The following ARHGAP12 variants were observed in gnomAD, a reference collection of about 807,000 sequenced individuals.
ARHGAP12 encodes rho GTPase-activating protein 12.
Under a neutral mutation model 108.6 loss-of-function variants are expected in ARHGAP12, and 64 were observed. The observed-to-expected ratio is 0.59, with a 90% CI of 0.48 to 0.73. The LOEUF (loss-of-function observed/expected upper bound fraction) is 0.73, where lower values mean the gene tolerates loss of function less well. Among genes scored for constraint, ARHGAP12 ranks in the 30% least tolerant of loss-of-function variants. The pLI, the probability that ARHGAP12 is intolerant of heterozygous loss-of-function variation, is 0.00. For missense variants in ARHGAP12, 940 were observed against 1,005.9 expected (o/e 0.93, Z 0.89); for synonymous variants, 312 against 337.2 (o/e 0.93, Z 0.82).
chr10:31,882,594 C>A (rs1187559817), intron 3 of ARHGAP12, among the ~76,000 whole-genome samples: 1 of 150,188 alleles, frequency 6.7e-6, no homozygotes, highest in Admixed American at 6.6e-5. Flanking sequence ...GCAGGCAAAT[C>A]ATGAGGTCAG....
At chr10:31,922,596 C>A (rs1172796892) in intron 1 of ARHGAP12, among the ~76,000 whole-genome samples, 1 of 151,914 alleles carries the variant, frequency 6.6e-6, no homozygotes, top group Non-Finnish European at 1.5e-5. Flanking sequence ...ATACAAATAA[C>A]CAAAGCTTGC....
At chr10:31,851,650 T>C (rs1247204167) in intron 6 of ARHGAP12, among the ~76,000 whole-genome samples, 3 of 152,208 alleles carry the variant, frequency 2.0e-5, no homozygotes, top group African/African-American at 7.2e-5. Context: ...AAAGGCCAGA[T>C]AGCATTCACA....
chr10:31,852,472 T>A (rs1564390085), intron 6 of ARHGAP12, 45 bp downstream of exon 6: 1 of 1,350,152 alleles, frequency 7.4e-7, no homozygotes, highest in Admixed American at 1.7e-5. Flanking sequence ...AGATATTACT[T>A]CATCTACTAT....
intron 1 of ARHGAP12, among the ~76,000 whole-genome samples, chr10:31,927,029 T>A (rs377098509): frequency 5.1e-4 from 77 of 152,324 alleles, no homozygotes; most frequent in African/African-American, 1.7e-3. Flanking sequence ...CGCATAAATA[T>A]ACATACACAC....
intron 3 of ARHGAP12, among the ~76,000 whole-genome samples, chr10:31,865,872 C>T (rs1205326459): frequency 3.2e-5 from 4 of 125,008 alleles, no homozygotes; most frequent in South Asian, 5.9e-4. Flanking sequence ...AGCAAGACTC[C>T]GTCTCAAAAA....
chr10:31,836,907 T>C (rs1006356285), intron 9 of ARHGAP12, among the ~76,000 whole-genome samples: 3 of 151,956 alleles, frequency 2.0e-5, no homozygotes, highest in Non-Finnish European at 4.4e-5. Context: ...CCACCTCTGG[T>C]AGAATTAACA....
intron 3 of ARHGAP12, among the ~76,000 whole-genome samples, chr10:31,878,992 A>T (rs1837838762): frequency 6.6e-6 from 1 of 152,268 alleles, no homozygotes; most frequent in African/African-American, 2.4e-5. Flanking sequence ...CAGAAAGAAC[A>T]GAAAATGAAA....
intron 3 of ARHGAP12, among the ~76,000 whole-genome samples, chr10:31,889,618 C>CG (rs1491074531): frequency 4.2e-4 from 43 of 101,526 alleles, no homozygotes; most frequent in Non-Finnish European, 7.7e-4. Flanking sequence ...TAATTTTTCT[C>CG]GTTTTTTTTT....
chr10:31,821,871 A>G (rs765550432), intron 11 of ARHGAP12, among the ~76,000 whole-genome samples: 5 of 152,214 alleles, frequency 3.3e-5, no homozygotes, highest in Non-Finnish European at 5.9e-5. Flanking sequence ...ACATAAAGCT[A>G]TATGTTGGGC....
intron 12 of ARHGAP12, 121 bp from the exon 13 acceptor site, chr10:31,818,007 CAAT>C (rs112987954): frequency 1.3e-4 from 90 of 689,152 alleles, no homozygotes; most frequent in African/African-American, 1.3e-3. Context: ...TATTATGTAA[CAAT>C]GATGCAAGGT....
chr10:31,918,563 A>G (rs1839661397), intron 1 of ARHGAP12, among the ~76,000 whole-genome samples: 1 of 152,152 alleles, frequency 6.6e-6, no homozygotes, highest in Non-Finnish European at 1.5e-5. Flanking sequence ...AAAAATAGCC[A>G]AGGATTGGTG....
At chr10:31,820,632 T>C (rs1299535376) in intron 11 of ARHGAP12, 144 bp from the exon 12 acceptor site, 1 of 436,572 alleles carries the variant, frequency 2.3e-6, no homozygotes, top group Non-Finnish European at 3.8e-6. Flanking sequence ...AAGTAACAAT[T>C]TCTACTTTAA....
chr10:31,814,411 T>C (rs201396473), intron 13 of ARHGAP12, 50 bp from the exon 14 acceptor site: 5 of 1,407,420 alleles, frequency 3.6e-6, no homozygotes, highest in South Asian at 2.4e-5. Flanking sequence ...AGTATTACTA[T>C]AGTTGGAATG....
chr10:31,868,174 G>A (rs561651992), intron 3 of ARHGAP12, among the ~76,000 whole-genome samples: 1 of 151,752 alleles, frequency 6.6e-6, no homozygotes, highest in African/African-American at 2.4e-5. Flanking sequence ...CTCCAGCCTG[G>A]GTGACAGAGC....
chr10:31,814,745 T>C (rs1200611273), intron 13 of ARHGAP12, among the ~76,000 whole-genome samples: 2 of 152,162 alleles, frequency 1.3e-5, no homozygotes, highest in East Asian at 1.9e-4. Flanking sequence ...CTTCTACACA[T>C]GGACCTGACA....
At chr10:31,916,897 G>A (rs1839579263) in intron 1 of ARHGAP12, among the ~76,000 whole-genome samples, 1 of 152,040 alleles carries the variant, frequency 6.6e-6, no homozygotes, top group Non-Finnish European at 1.5e-5. Flanking sequence ...TTACAGGTGT[G>A]AGCCACCACG....
intron 10 of ARHGAP12, 92 bp downstream of exon 10, chr10:31,831,647 G>A: frequency 1.3e-6 from 1 of 744,542 alleles, no homozygotes; most frequent in Non-Finnish European, 2.1e-6. Flanking sequence ...AGATTCTTCA[G>A]CACCTATTGT....
intron 1 of ARHGAP12, chr10:31,913,846 T>C (rs1839452576): frequency 6.5e-6 from 1 of 153,076 alleles, no homozygotes; most frequent in Non-Finnish European, 1.5e-5. Flanking sequence ...CTGTACAGTG[T>C]CTTTTTTTGT....
chr10:31,884,819 T>G (rs1213045988), intron 3 of ARHGAP12, among the ~76,000 whole-genome samples: 1 of 152,218 alleles, frequency 6.6e-6, no homozygotes, highest in Non-Finnish European at 1.5e-5. Context: ...AGCTGTAAGC[T>G]CATGACAACA....
Sources: gnomAD v4.1 joint callset for allele counts (sites outside exome capture counted in the v4.1 genomes callset) on GRCh38, gnomAD v4.1.1 for gene constraint, MANE v1.5 for transcripts, NCBI Gene and HGNC (gene_info 2026-07-23, HGNC 2026-07-21) for gene names.